Variants in CNOT6L observed in about 807,000 individuals in gnomAD.
The protein encoded by CNOT6L is CCR4-NOT transcription complex subunit 6-like.
Under a neutral mutation model 64.0 loss-of-function variants are expected in CNOT6L, and 7 were observed. The observed-to-expected ratio is 0.11, with a 90% CI of 0.06 to 0.21. CNOT6L has a LOEUF of 0.21. Ranked by LOEUF, CNOT6L falls within the 10% of genes least tolerant of loss-of-function variation. CNOT6L has a pLI of 1.00. For missense variants in CNOT6L, 245 were observed against 669.0 expected (o/e 0.37, Z 6.99); for synonymous variants, 193 against 243.4 (o/e 0.79, Z 1.93).
At chr4:77,760,908 G>A (rs1198370445) in intron 4 of CNOT6L, among the ~76,000 whole-genome samples, 1 of 116,086 alleles carries the variant, frequency 8.6e-6, no homozygotes, top group African/African-American at 3.4e-5. Context: ...GGAAGAGACA[G>A]GGTTTCACTG....
intron 7 of CNOT6L, among the ~76,000 whole-genome samples, chr4:77,744,353 T>TA (rs148119461): frequency 0.032 from 4,747 of 149,970 alleles, 236 homozygotes; most frequent in African/African-American, 0.11. Context: ...CTTTTTTTTT[T>TA]AAAAAAAAAC....
chr4:77,803,371 T>C (rs1020863863), intron 1 of CNOT6L, among the ~76,000 whole-genome samples: 3 of 152,192 alleles, frequency 2.0e-5, no homozygotes, highest in Non-Finnish European at 4.4e-5. Flanking sequence ...TAAAATTTTA[T>C]AAAACATTTC....
chr4:77,816,616 C>T (rs895204178), intron 1 of CNOT6L, among the ~76,000 whole-genome samples: 3 of 152,066 alleles, frequency 2.0e-5, no homozygotes, highest in Non-Finnish European at 4.4e-5. Context: ...TAAAAATATG[C>T]ATAAAAGCTA....
At chr4:77,819,658 TGCGGCGGCGGGGGAG>T (rs1560446547), upstream of CNOT6L, 3 of 147,638 alleles carry the variant, frequency 2.0e-5, no homozygotes, top group East Asian at 2.0e-4. Flanking sequence ...GTGCTGGTGC[TGCGGCGGCGGGGGAG>T]GCGGCGGCGG....
chr4:77,818,770 G>T (rs1270536617), intron 1 of CNOT6L, among the ~76,000 whole-genome samples: 1 of 151,498 alleles, frequency 6.6e-6, no homozygotes, highest in Admixed American at 6.6e-5. Flanking sequence ...CGGGCTCGCC[G>T]TCCCGGGAGG....
At chr4:77,788,064 A>G (rs1729652472) in intron 1 of CNOT6L, among the ~76,000 whole-genome samples, 1 of 152,204 alleles carries the variant, frequency 6.6e-6, no homozygotes, top group Non-Finnish European at 1.5e-5. Flanking sequence ...TTTTGTTCCA[A>G]TATTAGTGGG....
chr4:77,755,322 TTC>T (rs951157467), intron 5 of CNOT6L, among the ~76,000 whole-genome samples: 5 of 137,544 alleles, frequency 3.6e-5, no homozygotes, highest in African/African-American at 1.3e-4. Context: ...GTTCAAGCGA[TTC>T]TCCTGCCTCA....
At chr4:77,794,391 A>G (rs902654177) in intron 1 of CNOT6L, among the ~76,000 whole-genome samples, 1 of 152,056 alleles carries the variant, frequency 6.6e-6, no homozygotes, top group Non-Finnish European at 1.5e-5. Context: ...GAAGTTTAGC[A>G]AATTAAATCC....
At chr4:77,792,725 T>TAAAAAA (rs77060039) in intron 1 of CNOT6L, among the ~76,000 whole-genome samples, 1 of 124,072 alleles carries the variant, frequency 8.1e-6, no homozygotes. Flanking sequence ...GACTCTGCCT[T>TAAAAAA]AAAAAAAAAA....
In CNOT6L at chr4:77,720,294, A is replaced by C. The variant is rs548107152; in HGVS notation, c.*137T>G. 64 of 905,066 alleles carry C rather than the reference A, an allele frequency of 7.1e-5. No homozygotes were observed. The highest frequency in any genetic ancestry group is 2.8e-5 in the Admixed American group (1 of 35,718). The allele number at this position is 905,066 out of a possible 1,614,324, so 56.1% of individuals were successfully genotyped here. A position where few individuals can be genotyped will look rare whatever the true frequency, so the allele number is the denominator to read the frequency against. Reference sequence around the variant, plus strand: ...TACCAATATGCACAAAAATGTACAAAGTCTTACAGCAAACACATAATGAAA... The same window carrying C: ...TACCAATATGCACAAAAATGTACAACGTCTTACAGCAAACACATAATGAAA... On this transcript the variant is annotated 3_prime_UTR_variant, in exon 12 of 12. Coordinates refer to ENST00000504123, the MANE Select transcript of CNOT6L (RefSeq NM_144571.3).
chr4:77,782,155 CAT>C (rs1218812700), intron 1 of CNOT6L, among the ~76,000 whole-genome samples: 1 of 152,058 alleles, frequency 6.6e-6, no homozygotes, highest in East Asian at 1.9e-4. Context: ...GAAGGGAAAA[CAT>C]GTTTTTTTGT....
At chr4:77,743,166 G>A (rs1723783218) in intron 7 of CNOT6L, among the ~76,000 whole-genome samples, 7 of 151,992 alleles carry the variant, frequency 4.6e-5, no homozygotes, top group Admixed American at 4.6e-4. Flanking sequence ...CATGAAATTA[G>A]GTATTTCCCT....
chr4:77,762,208 T>C (rs1011693675), intron 4 of CNOT6L, among the ~76,000 whole-genome samples: 2 of 152,180 alleles, frequency 1.3e-5, no homozygotes, highest in African/African-American at 2.4e-5. Flanking sequence ...AGCAGGATAT[T>C]TTGCATAAAT....
intron 1 of CNOT6L, among the ~76,000 whole-genome samples, chr4:77,791,296 C>T (rs907732064): frequency 6.6e-6 from 1 of 152,122 alleles, no homozygotes; most frequent in African/African-American, 2.4e-5. Flanking sequence ...TCATCATCAT[C>T]ATCTTCAGCA....
intron 4 of CNOT6L, among the ~76,000 whole-genome samples, chr4:77,768,846 T>A (rs1333440923): frequency 6.6e-6 from 1 of 152,064 alleles, no homozygotes; most frequent in African/African-American, 2.4e-5. Context: ...TTATTTTGAG[T>A]AGAATCTTTT....
chr4:77,728,752 T>TA (rs1489077310), intron 10 of CNOT6L, 102 bp downstream of exon 10: 3 of 842,834 alleles, frequency 3.6e-6, no homozygotes, highest in Non-Finnish European at 5.9e-6. Flanking sequence ...ATTCTTATGA[T>TA]ACATTCCTTA....
chr4:77,721,893 G>A (rs1721318535), intron 11 of CNOT6L, among the ~76,000 whole-genome samples: 1 of 151,972 alleles, frequency 6.6e-6, no homozygotes, highest in East Asian at 1.9e-4. Flanking sequence ...GCTCACTTGA[G>A]GCCAGGAGTT....
upstream of CNOT6L, among the ~76,000 whole-genome samples, chr4:77,820,041 G>C (rs1346518444): frequency 6.6e-6 from 1 of 152,118 alleles, no homozygotes; most frequent in East Asian, 1.9e-4. Context: ...TGGCCTCCTG[G>C]TGCTGGGGCT....
chr4:77,777,494 GGTAACC>G (rs1261858087), intron 1 of CNOT6L, among the ~76,000 whole-genome samples: 11 of 152,142 alleles, frequency 7.2e-5, no homozygotes, highest in South Asian at 2.1e-4. Flanking sequence ...TGGCTCTAAA[GGTAACC>G]TTATTCAAGG....
Sources: allele counts gnomAD v4.1 joint callset (sites outside exome capture counted in the v4.1 genomes callset), GRCh38; gene constraint gnomAD v4.1.1; transcripts MANE v1.5; gene names NCBI Gene and HGNC (gene_info 2026-07-23, HGNC 2026-07-21).